The following PSD3 variants were observed in gnomAD, a reference collection of about 807,000 sequenced individuals.
The protein encoded by PSD3 is PH and SEC7 domain-containing protein 3.
Under a neutral mutation model 105.5 loss-of-function variants are expected in PSD3, and 49 were observed. The observed-to-expected ratio is 0.46, with a 90% CI of 0.37 to 0.59. The LOEUF (loss-of-function observed/expected upper bound fraction) is 0.59. Among genes scored for constraint, PSD3 ranks in the 20% least tolerant of loss-of-function variants. PSD3 has a pLI of 0.00. For synonymous variants in PSD3, 557 were observed against 457.8 expected (o/e 1.22, Z -2.77); for missense variants, 1,561 against 1,263.8 (o/e 1.24, Z -3.57).
rs556950457 is a variant in PSD3 at position 18,664,770 on chromosome 8, C to T, written c.2173-9085G>A. On this transcript the variant is annotated intron_variant, in intron 9 of 15. Coordinates refer to ENST00000327040, the MANE Select transcript of PSD3 (RefSeq NM_015310.4). ...CTTCAAAAGTCAGGCTGACTCTCTTCTTAGGGGCAATGGGGCAATGAAGCT... is the reference window on the plus strand; with the variant it reads ...CTTCAAAAGTCAGGCTGACTCTCTTTTTAGGGGCAATGGGGCAATGAAGCT... 6.6e-5 allele frequency among the ~76,000 whole-genome samples: 10 copies of T among 152,306 alleles called. No homozygotes were observed. The South Asian group carries it at 1.9e-3, about 28-fold the overall frequency.
At chr8:18,938,363 T>C (rs558965148) in intron 1 of PSD3, among the ~76,000 whole-genome samples, 1 of 151,860 alleles carries the variant, frequency 6.6e-6, no homozygotes, top group African/African-American at 2.4e-5. Flanking sequence ...GGCTCATGCC[T>C]TTAATCTTAG....
intron 1 of PSD3, among the ~76,000 whole-genome samples, chr8:19,013,183 CT>C (rs1015255253): frequency 6.6e-6 from 1 of 151,978 alleles, no homozygotes; most frequent in Non-Finnish European, 1.5e-5. Flanking sequence ...TTAGTTTAGT[CT>C]TTTTTTCTTT....
chr8:18,839,324 A>G (rs1814416392), intron 4 of PSD3, among the ~76,000 whole-genome samples: 1 of 152,178 alleles, frequency 6.6e-6, no homozygotes. Flanking sequence ...GAATGTTTCT[A>G]TGTTTTTATA....
intron 4 of PSD3, among the ~76,000 whole-genome samples, chr8:18,805,783 C>A (rs1811146153): frequency 6.6e-6 from 1 of 152,162 alleles, no homozygotes. Flanking sequence ...AGCTGCCAAA[C>A]CTTTGCGGGC....
At chr8:18,996,493 GA>G (rs975604788) in intron 1 of PSD3, among the ~76,000 whole-genome samples, 1 of 151,734 alleles carries the variant, frequency 6.6e-6, no homozygotes, top group African/African-American at 2.4e-5. Flanking sequence ...ACTTTATGTT[GA>G]AAAAAATCAA....
intron 1 of PSD3, among the ~76,000 whole-genome samples, chr8:19,074,611 A>ATATATATATATATATATATTT (rs1324257417): frequency 4.1e-5 from 1 of 24,224 alleles, no homozygotes; most frequent in African/African-American, 1.6e-4. Flanking sequence ...ATATATATAT[A>ATATATATATATATATATATTT]TTTTTTTTTT....
intron 8 of PSD3, among the ~76,000 whole-genome samples, chr8:18,781,808 A>G (rs1808661006): frequency 6.6e-6 from 1 of 152,150 alleles, no homozygotes; most frequent in African/African-American, 2.4e-5. Flanking sequence ...GCCATTACCC[A>G]TCTGTTCTCT....
At chr8:18,595,129 T>C (rs1803992518) in intron 12 of PSD3, among the ~76,000 whole-genome samples, 1 of 151,940 alleles carries the variant, frequency 6.6e-6, no homozygotes, top group African/African-American at 2.4e-5. Flanking sequence ...GGAGTAAAAG[T>C]ATAGTTTTGG....
intron 2 of PSD3, among the ~76,000 whole-genome samples, chr8:18,875,727 C>T (rs1186541423): frequency 1.3e-5 from 2 of 151,936 alleles, no homozygotes; most frequent in Non-Finnish European, 1.5e-5. Context: ...TTAGTAGAGA[C>T]GGGGTTTCAC....
chr8:18,992,313 A>T (rs75447136), intron 1 of PSD3, among the ~76,000 whole-genome samples: 29 of 77,744 alleles, frequency 3.7e-4, no homozygotes, highest in South Asian at 1.9e-3. Context: ...GATACTTAAA[A>T]AAAAAAAAAA....
At chr8:18,732,397 C>CT (rs936791297) in intron 9 of PSD3, among the ~76,000 whole-genome samples, 1 of 152,226 alleles carries the variant, frequency 6.6e-6, no homozygotes, top group African/African-American at 2.4e-5. Flanking sequence ...AAGCGAGGGG[C>CT]TTTAAATCAT....
chr8:18,669,800 C>T (rs750484582), intron 9 of PSD3, among the ~76,000 whole-genome samples: 1 of 152,302 alleles, frequency 6.6e-6, no homozygotes, highest in Non-Finnish European at 1.5e-5. Flanking sequence ...AATGGTATAG[C>T]ATATGGTATA....
At position 18,985,037 on chromosome 8, in the gene PSD3, G is replaced by A. The variant is rs571910946; in HGVS notation, c.21+28526C>T. 5.3e-5 allele frequency among the ~76,000 whole-genome samples: 8 copies of A among 152,284 alleles called. No individual in the cohort carries two copies. The South Asian group carries it at 6.2e-4, about 12-fold the overall frequency. On this transcript the variant is annotated intron_variant, in intron 1 of 15. Coordinates refer to ENST00000327040, the MANE Select transcript of PSD3 (RefSeq NM_015310.4). Reference sequence around the variant, plus strand: ...CAACCTCTGCCCTCCAGGTTCAAGCGATTCTCGTGTCTCAGTCTCCGGAGT... The same window carrying A: ...CAACCTCTGCCCTCCAGGTTCAAGCAATTCTCGTGTCTCAGTCTCCGGAGT...
At chr8:18,646,848 A>T (rs969851361) in intron 10 of PSD3, among the ~76,000 whole-genome samples, 1 of 152,230 alleles carries the variant, frequency 6.6e-6, no homozygotes, top group Admixed American at 6.5e-5. Context: ...AATGAAAGTA[A>T]AAGAGCCCTA....
intron 9 of PSD3, among the ~76,000 whole-genome samples, chr8:18,709,560 A>T (rs1352766731): frequency 2.6e-5 from 4 of 152,228 alleles, no homozygotes; most frequent in African/African-American, 9.6e-5. Flanking sequence ...TCCCAACAGA[A>T]GTCATCAGAC....
chr8:18,647,440 T>G, intron 10 of PSD3, among the ~76,000 whole-genome samples: 1 of 152,178 alleles, frequency 6.6e-6, no homozygotes, highest in Non-Finnish European at 1.5e-5. Flanking sequence ...TAGGGCAATA[T>G]GAAATTGCAG....
At chr8:18,741,870 A>G (rs954436206) in intron 9 of PSD3, among the ~76,000 whole-genome samples, 32 of 152,090 alleles carry the variant, frequency 2.1e-4, no homozygotes, top group African/African-American at 7.5e-4. Context: ...TTGCAAACAG[A>G]ATAAAAAAGC....
At chr8:18,594,405 A>AAT (rs202115262) in intron 12 of PSD3, among the ~76,000 whole-genome samples, 3,102 of 117,726 alleles carry the variant, frequency 0.026, 108 homozygotes, top group East Asian at 0.084. Flanking sequence ...TATATTATAT[A>AAT]ATATATAAAT....
intron 11 of PSD3, among the ~76,000 whole-genome samples, chr8:18,627,860 G>T (rs553791034): frequency 6.6e-6 from 1 of 151,212 alleles, no homozygotes; most frequent in South Asian, 2.1e-4. Flanking sequence ...TAATGCAACA[G>T]TTCCAGAAAC....
Sources: allele counts gnomAD v4.1 joint callset (sites outside exome capture counted in the v4.1 genomes callset), GRCh38; gene constraint gnomAD v4.1.1; transcripts MANE v1.5; gene names NCBI Gene and HGNC (gene_info 2026-07-23, HGNC 2026-07-21).